VTI1A: variants seen among roughly 807,000 people sequenced by gnomAD.
VTI1A encodes the protein vesicle transport through interaction with t-SNAREs 1A.
A neutral mutation model predicts 34.9 loss-of-function variants in VTI1A; 22 were observed. The ratio of observed to expected loss-of-function variants is 0.63; its 90% CI spans 0.45 to 0.90. The LOEUF is 0.90. VTI1A is among the 40% of genes least tolerant of loss of function. The pLI is 0.00. For missense variants in VTI1A, 268 were observed against 275.6 expected (o/e 0.97, Z 0.20); for synonymous variants, 87 against 97.3 (o/e 0.89, Z 0.62).
At chr10:112,790,761 G>A (rs1426906937) in intron 7 of VTI1A, among the ~76,000 whole-genome samples, 1 of 135,702 alleles carries the variant, frequency 7.4e-6, no homozygotes, top group African/African-American at 2.8e-5. Flanking sequence ...ATCACTAAAA[G>A]ACGTTTTTTT....
chr10:112,736,109 G>GTATATATATATATA (rs1181090787), intron 7 of VTI1A, among the ~76,000 whole-genome samples: 4,102 of 115,720 alleles, frequency 0.035, 99 homozygotes, highest in Non-Finnish European at 0.045. Flanking sequence ...ATATGTGTGT[G>GTATATATATATATA]TGTATATATA....
chr10:112,512,175 C>T (rs1849636479), intron 3 of VTI1A, among the ~76,000 whole-genome samples: 1 of 152,106 alleles, frequency 6.6e-6, no homozygotes, highest in Non-Finnish European at 1.5e-5. Flanking sequence ...GTTTACATTC[C>T]CACCAACACT....
At chr10:112,844,657 C>T in the VTI1A span, among the ~76,000 whole-genome samples, 6 of 152,266 alleles carry the variant, frequency 3.9e-5, no homozygotes, top group African/African-American at 1.2e-4. Flanking sequence ...TCTCAGTCTC[C>T]CAAAGTGCTA....
At chr10:112,562,722 G>A (rs1851770472) in intron 5 of VTI1A, among the ~76,000 whole-genome samples, 1 of 152,134 alleles carries the variant, frequency 6.6e-6, no homozygotes, top group Non-Finnish European at 1.5e-5. Flanking sequence ...AGAGGGAAAA[G>A]GTGGAATTTG....
intron 7 of VTI1A, among the ~76,000 whole-genome samples, chr10:112,678,524 CA>C (rs1848105872): frequency 6.6e-6 from 1 of 152,308 alleles, no homozygotes; most frequent in Middle Eastern, 3.4e-3. Context: ...CATTAAATGC[CA>C]GAGGCAGCAA....
intron 7 of VTI1A, among the ~76,000 whole-genome samples, chr10:112,741,474 T>C (rs1427983284): frequency 6.6e-6 from 1 of 152,100 alleles, no homozygotes; most frequent in East Asian, 1.9e-4. Flanking sequence ...TAACGGATAT[T>C]GGGGTTTCTT....
chr10:112,607,482 T>A (rs570238133), intron 5 of VTI1A, among the ~76,000 whole-genome samples: 1 of 152,302 alleles, frequency 6.6e-6, no homozygotes, highest in South Asian at 2.1e-4. Flanking sequence ...TTTGTCTTAT[T>A]CATCACAGTA....
intron 3 of VTI1A, among the ~76,000 whole-genome samples, chr10:112,494,962 G>C (rs1848960023): frequency 6.6e-6 from 1 of 152,084 alleles, no homozygotes; most frequent in African/African-American, 2.4e-5. Context: ...TTTGAAAACA[G>C]GCTTGGGAAG....
the VTI1A span, among the ~76,000 whole-genome samples, chr10:112,830,849 A>ATATATATATTTTTTTTTTTTTT: frequency 3.0e-4 from 10 of 33,492 alleles, no homozygotes; most frequent in African/African-American, 1.3e-3. Context: ...ATATATATAT[A>ATATATATATTTTTTTTTTTTTT]TTTTTTTTTT....
At chr10:112,675,789 G>C (rs190893225) in intron 7 of VTI1A, among the ~76,000 whole-genome samples, 1 of 152,120 alleles carries the variant, frequency 6.6e-6, no homozygotes, top group African/African-American at 2.4e-5. Flanking sequence ...CTATGTATAC[G>C]TCCAGAGGCA....
intron 7 of VTI1A, among the ~76,000 whole-genome samples, chr10:112,687,092 G>C (rs1848440923): frequency 6.6e-6 from 1 of 152,054 alleles, no homozygotes; most frequent in African/African-American, 2.4e-5. Flanking sequence ...GAATGGAGGG[G>C]TAGAGGGGAG....
chr10:112,708,820 C>G (rs892401621), intron 7 of VTI1A, among the ~76,000 whole-genome samples: 2 of 152,192 alleles, frequency 1.3e-5, no homozygotes, highest in Non-Finnish European at 2.9e-5. Flanking sequence ...GTAGCCTTTC[C>G]CACTTCGCCG....
intron 7 of VTI1A, among the ~76,000 whole-genome samples, chr10:112,733,392 T>C (rs1377075615): frequency 6.6e-6 from 1 of 152,156 alleles, no homozygotes; most frequent in East Asian, 1.9e-4. Flanking sequence ...TGCTTCCCAT[T>C]CCCCCAGCCC....
intron 5 of VTI1A, among the ~76,000 whole-genome samples, chr10:112,582,082 A>G (rs1564836237): frequency 1.3e-5 from 2 of 152,120 alleles, no homozygotes; most frequent in Non-Finnish European, 2.9e-5. Context: ...ACAGAAATTT[A>G]TTTCTCCAGT....
chr10:112,489,980 C>T lies in VTI1A; in HGVS notation c.264+25323C>T, dbSNP rs190743867. 4.1e-4 allele frequency among the ~76,000 whole-genome samples: 62 copies of T among 152,272 alleles called. No homozygotes were observed. In the East Asian group the frequency reaches 0.01, roughly 25 times the overall value. ...AGCTGTTGCTGAGCCACCATTCTAA[C>T]GTCAAATAAAAGATTTGGGCCATTG... is the stretch of plus-strand genomic sequence containing the variant. On this transcript the variant is annotated intron_variant, in intron 3 of 7. Transcript: ENST00000393077.
intron 7 of VTI1A, among the ~76,000 whole-genome samples, chr10:112,782,679 T>C (rs1030768361): frequency 6.6e-6 from 1 of 152,178 alleles, no homozygotes; most frequent in Admixed American, 6.5e-5. Flanking sequence ...AGACTTCTCA[T>C]CGGACACAGC....
the VTI1A span, among the ~76,000 whole-genome samples, chr10:112,840,553 T>TAC: frequency 6.6e-6 from 1 of 152,324 alleles, no homozygotes; most frequent in Non-Finnish European, 1.5e-5. Context: ...GAAAAGCTCC[T>TAC]ACTGCTTCCC....
chr10:112,640,814 G>T (rs1846540729), intron 5 of VTI1A, among the ~76,000 whole-genome samples: 1 of 152,166 alleles, frequency 6.6e-6, no homozygotes, highest in Non-Finnish European at 1.5e-5. Flanking sequence ...TATAAGAGAG[G>T]AGTAGCCCTG....
the VTI1A span, among the ~76,000 whole-genome samples, chr10:112,851,241 G>A: frequency 1.3e-5 from 2 of 152,172 alleles, no homozygotes; most frequent in Non-Finnish European, 2.9e-5. Flanking sequence ...CAGAGCCTGG[G>A]CCACATGCAT....
Sources: allele counts gnomAD v4.1 joint callset (sites outside exome capture counted in the v4.1 genomes callset), GRCh38; gene constraint gnomAD v4.1.1; transcripts MANE v1.5; gene names NCBI Gene and HGNC (gene_info 2026-07-23, HGNC 2026-07-21).